Variants in GABRG3 observed in about 807,000 individuals in gnomAD.
GABRG3 encodes gamma-aminobutyric acid receptor subunit gamma-3.
GABRG3 carries 25 observed loss-of-function variants against 48.8 expected under a neutral mutation model. That is an observed-to-expected ratio of 0.51 (90% confidence interval 0.37 to 0.72). The LOEUF (loss-of-function observed/expected upper bound fraction) is 0.72. Among genes scored for constraint, GABRG3 ranks in the 30% least tolerant of loss-of-function variants. The pLI is 0.00. For synonymous variants in GABRG3, 227 were observed against 217.6 expected (o/e 1.04, Z -0.38); for missense variants, 394 against 577.9 (o/e 0.68, Z 3.26).
intron 3 of GABRG3, among the ~76,000 whole-genome samples, chr15:27,242,477 C>G (rs930921902): frequency 6.6e-6 from 1 of 152,112 alleles, no homozygotes; most frequent in African/African-American, 2.4e-5. Context: ...TGAGTGGTCC[C>G]TAATTTACAT....
intron 5 of GABRG3, among the ~76,000 whole-genome samples, chr15:27,381,251 G>C (rs1286579218): frequency 1.3e-5 from 2 of 152,214 alleles, no homozygotes; most frequent in African/African-American, 4.8e-5. Context: ...CCAGTTAGAT[G>C]ATGGTGAAAC....
rs188067563 is a variant in GABRG3, at chr15:27,089,695, G to C, written c.270+62874G>C. On this transcript the variant is annotated intron_variant, in intron 3 of 9. Coordinates refer to ENST00000615808, the MANE Select transcript of GABRG3 (RefSeq NM_033223.5). ...TCATGCAGGAAGGCTGTGGTCATGC[G>C]AAGGGAGGACATCTTGCCAGGACGG... Among the ~76,000 whole-genome samples the C allele has an allele frequency of 3.8e-3, 586 of 152,278 alleles. 1 individual carries two copies. The highest frequency in any genetic ancestry group is 0.013 in the African/African-American group (553 of 41,558).
At chr15:27,191,961 A>G (rs1888326608) in intron 3 of GABRG3, among the ~76,000 whole-genome samples, 1 of 151,820 alleles carries the variant, frequency 6.6e-6, no homozygotes, top group Non-Finnish European at 1.5e-5. Context: ...TCTGTAAAGT[A>G]TTTTATTTCT....
At chr15:27,088,100 C>T (rs1439469715) in intron 3 of GABRG3, among the ~76,000 whole-genome samples, 3 of 129,400 alleles carry the variant, frequency 2.3e-5, no homozygotes, top group East Asian at 2.2e-4. Context: ...TGTGATGTGC[C>T]GTGGTTGTGT....
chr15:27,119,489 C>T lies in GABRG3; in HGVS notation c.270+92668C>T, dbSNP rs73371655. Among the ~76,000 whole-genome samples, 1,521 of 152,264 alleles carry T rather than the reference C, an allele frequency of 1.0e-2. 26 individuals carry two copies. Among genetic ancestry groups the T allele is most frequent in the African/African-American group, 0.034 (1,428 of 41,538 alleles). On this transcript the variant is annotated intron_variant, in intron 3 of 9. Coordinates refer to ENST00000615808, the MANE Select transcript of GABRG3 (RefSeq NM_033223.5). Reference sequence around the variant, plus strand: ...TTTGCATGATGATAGTTATCTACTGCTGTGTAACAGGGGAGCACAGTGGTG... The same window carrying T: ...TTTGCATGATGATAGTTATCTACTGTTGTGTAACAGGGGAGCACAGTGGTG...
At chr15:27,383,726 A>G (rs138953513) in intron 5 of GABRG3, among the ~76,000 whole-genome samples, 62 of 152,354 alleles carry the variant, frequency 4.1e-4, no homozygotes, top group African/African-American at 1.4e-3. Context: ...AGTGTGAAGC[A>G]TAATACAAAT....
rs905291196 is a variant in GABRG3, at chr15:27,536,614, A to G, written c.*3733A>G. On this transcript the variant is annotated 3_prime_UTR_variant, in exon 10 of 10. Transcript: ENST00000615808. ...CTCAAGAGCAAAGCATTTTCACTCT[A>G]CATAAGGGAAATTGGGGCCAATCTA... The G allele has an allele frequency of 6.6e-6, 1 of 152,182 alleles. No homozygotes were observed. Among genetic ancestry groups the G allele is most frequent in the African/African-American group, 2.4e-5 (1 of 41,426 alleles). 9.4% of individuals were successfully genotyped at this position (152,182 alleles called of 1,614,324 possible).
At chr15:27,095,168 G>C (rs1406958817) in intron 3 of GABRG3, among the ~76,000 whole-genome samples, 3 of 152,170 alleles carry the variant, frequency 2.0e-5, no homozygotes, top group Non-Finnish European at 4.4e-5. Context: ...CCAGGACTTT[G>C]GACTTAGACT....
chr15:27,399,034 C>G (rs1312226180), intron 5 of GABRG3, among the ~76,000 whole-genome samples: 1 of 152,128 alleles, frequency 6.6e-6, no homozygotes, highest in East Asian at 1.9e-4. Flanking sequence ...GAGCTTTAGT[C>G]TTAACTTTGA....
intron 3 of GABRG3, among the ~76,000 whole-genome samples, chr15:27,302,882 A>G (rs1417398386): frequency 6.6e-6 from 1 of 151,988 alleles, no homozygotes; most frequent in Non-Finnish European, 1.5e-5. Flanking sequence ...TATGCCGTGG[A>G]CCAAAGAGGA....
At chr15:27,382,526 G>C (rs562750760) in intron 5 of GABRG3, among the ~76,000 whole-genome samples, 1 of 152,172 alleles carries the variant, frequency 6.6e-6, no homozygotes, top group African/African-American at 2.4e-5. Context: ...AGTGAAAATG[G>C]GAGCCACTGG....
chr15:27,084,509 A>T (rs1248165655), intron 3 of GABRG3, among the ~76,000 whole-genome samples: 1 of 152,206 alleles, frequency 6.6e-6, no homozygotes, highest in African/African-American at 2.4e-5. Flanking sequence ...GCAAACACTG[A>T]GAAGACTGGT....
chr15:27,529,904 A>AG (rs1555389675), intron 9 of GABRG3, among the ~76,000 whole-genome samples: 1 of 151,550 alleles, frequency 6.6e-6, no homozygotes, highest in African/African-American at 2.4e-5. Context: ...AAAAAAAAAA[A>AG]AGAGAAAGTG....
intron 3 of GABRG3, among the ~76,000 whole-genome samples, chr15:27,039,602 A>G (rs1649419362): frequency 6.6e-6 from 1 of 152,202 alleles, no homozygotes; most frequent in African/African-American, 2.4e-5. Context: ...TCACAGCATC[A>G]TTTGATTCTT....
At position 27,406,133 on chromosome 15, in the gene GABRG3, T is replaced by C. The variant is rs907058694; in HGVS notation, c.575-74517T>C. On this transcript the variant is annotated intron_variant, in intron 5 of 9. Coordinates refer to ENST00000615808, the MANE Select transcript of GABRG3 (RefSeq NM_033223.5). ...GTGTTGAGACTCCATCTCAAAAAAA[T>C]TGATAATTAAATTTATTGAAATTTA... is the stretch of plus-strand genomic sequence containing the variant. 3.9e-5 allele frequency among the ~76,000 whole-genome samples: 6 copies of C among 152,150 alleles called. No homozygotes were observed. In the South Asian group the frequency reaches 1.0e-3, roughly 26 times the overall value.
intron 5 of GABRG3, among the ~76,000 whole-genome samples, chr15:27,472,611 G>C (rs893394356): frequency 6.6e-6 from 1 of 151,944 alleles, no homozygotes; most frequent in East Asian, 1.9e-4. Flanking sequence ...GCCTCTAATT[G>C]TTTTATATAT....
intron 3 of GABRG3, chr15:27,271,460 C>G (rs942444778): frequency 2.3e-6 from 1 of 438,534 alleles, no homozygotes; most frequent in Admixed American, 2.5e-5. Flanking sequence ...CTAGACCACG[C>G]CCTCGGAGCT....
intron 5 of GABRG3, among the ~76,000 whole-genome samples, chr15:27,387,990 GT>G (rs1566817367): frequency 5.7e-5 from 2 of 35,250 alleles, no homozygotes; most frequent in Non-Finnish European, 6.3e-5. Flanking sequence ...AGGAGGGAGG[GT>G]AAGGAAGGAA....
chr15:27,115,618 G>A (rs1897627969), intron 3 of GABRG3, among the ~76,000 whole-genome samples: 3 of 152,158 alleles, frequency 2.0e-5, no homozygotes, highest in South Asian at 2.1e-4. Flanking sequence ...GACTATGCAG[G>A]TACATTTCTT....
Sources: allele counts gnomAD v4.1 joint callset (sites outside exome capture counted in the v4.1 genomes callset), GRCh38; gene constraint gnomAD v4.1.1; transcripts MANE v1.5; gene names NCBI Gene and HGNC (gene_info 2026-07-23, HGNC 2026-07-21).